The following REEP1 variants were observed in gnomAD, a reference collection of about 807,000 sequenced individuals.
The protein encoded by REEP1 is receptor accessory protein 1.
REEP1 carries 22 observed loss-of-function variants against 40.3 expected under a neutral mutation model. The observed-to-expected ratio is 0.55, with a 90% CI of 0.39 to 0.78. REEP1 has a LOEUF of 0.78. Ranked by LOEUF, REEP1 falls within the 30% of genes least tolerant of loss-of-function variation. The probability of loss-of-function intolerance (pLI) is 0.00; values close to 1 mark genes in which losing one functional copy is unlikely to be tolerated. For synonymous variants in REEP1, 116 were observed against 139.2 expected (o/e 0.83, Z 1.17); for missense variants, 280 against 361.1 (o/e 0.78, Z 1.82).
upstream of REEP1, among the ~76,000 whole-genome samples, chr2:86,337,861 C>T (rs964165580): frequency 6.6e-6 from 1 of 152,100 alleles, no homozygotes; most frequent in African/African-American, 2.4e-5. The surrounding 1 kb of genome is among the most constrained non-coding windows in gnomAD (Gnocchi z 5.8). Flanking sequence ...AACCCTGCAG[C>T]GGCCCCGTTT....
chr2:86,299,484 T>C (rs1679162069), intron 1 of REEP1, among the ~76,000 whole-genome samples: 1 of 152,218 alleles, frequency 6.6e-6, no homozygotes, highest in Non-Finnish European at 1.5e-5. Context: ...GCTATTCTTT[T>C]TATAAAACCT....
chr2:86,323,220 T>G (rs1360903879), intron 1 of REEP1, among the ~76,000 whole-genome samples: 1 of 152,164 alleles, frequency 6.6e-6, no homozygotes. Flanking sequence ...TAAAAATAAA[T>G]AAAGAACATC....
chr2:86,231,362 A>G (rs967937072), intron 6 of REEP1, among the ~76,000 whole-genome samples: 3 of 152,214 alleles, frequency 2.0e-5, no homozygotes, highest in African/African-American at 7.2e-5. Context: ...CAGAAAAGCC[A>G]CAGTCTTAAG....
rs17438687 is a variant in REEP1 at position 86,252,164 on chromosome 2, G to T, written c.304-94C>A. On this transcript the variant is annotated intron_variant, in intron 4 of 8. Transcript: ENST00000538924. ...CTCTGAGCATTGGGCTTGGCAGCTT[G>T]CCCAATCCTTGTTCTTGCTGGGCCT... 439,864 of 916,882 alleles carry T rather than the reference G, an allele frequency of 0.48. 110,848 individuals are homozygous for T. The highest frequency in any genetic ancestry group is 0.69 in the East Asian group (28,178 of 40,886). The allele number at this position is 916,882 out of a possible 1,614,324, so 56.8% of individuals were successfully genotyped here. A position where few individuals can be genotyped will look rare whatever the true frequency, so the allele number is the denominator to read the frequency against.
intron 1 of REEP1, among the ~76,000 whole-genome samples, chr2:86,311,197 T>C (rs566901250): frequency 2.1e-5 from 3 of 140,710 alleles, no homozygotes; most frequent in East Asian, 3.9e-4. Flanking sequence ...ATTAAAATAA[T>C]TGTGAGCACT....
At chr2:86,312,311 G>A (rs1679800172) in intron 1 of REEP1, among the ~76,000 whole-genome samples, 2 of 152,186 alleles carry the variant, frequency 1.3e-5, no homozygotes, top group Admixed American at 6.5e-5. Context: ...GTGTTTGGAA[G>A]ACCATTTACT....
At chr2:86,258,434 T>C (rs144240470) in intron 3 of REEP1, among the ~76,000 whole-genome samples, 2 of 152,352 alleles carry the variant, frequency 1.3e-5, no homozygotes, top group Non-Finnish European at 2.9e-5. Flanking sequence ...ATTTACTATC[T>C]GGCCCTTTAC....
At chr2:86,228,224 G>A (rs1674819978) in intron 6 of REEP1, among the ~76,000 whole-genome samples, 1 of 152,162 alleles carries the variant, frequency 6.6e-6, no homozygotes, top group Non-Finnish European at 1.5e-5. Context: ...CTGTGTGCCA[G>A]GCATGTGGTG....
At chr2:86,308,646 G>A (rs543297015) in intron 1 of REEP1, among the ~76,000 whole-genome samples, 2 of 152,360 alleles carry the variant, frequency 1.3e-5, no homozygotes, top group East Asian at 3.9e-4. Context: ...GGCATGTACA[G>A]CAGGGAACTG....
At chr2:86,256,074 C>T (rs947597292) in intron 3 of REEP1, among the ~76,000 whole-genome samples, 5 of 152,208 alleles carry the variant, frequency 3.3e-5, no homozygotes, top group African/African-American at 1.2e-4. Flanking sequence ...ACTGGCCGGG[C>T]GCGGTGGCTC....
intron 1 of REEP1, among the ~76,000 whole-genome samples, chr2:86,287,618 C>T (rs1026540395): frequency 2.0e-5 from 3 of 152,170 alleles, no homozygotes; most frequent in Non-Finnish European, 2.9e-5. Flanking sequence ...GCATTAATCT[C>T]CAAGACTGTT....
rs60838463 is a variant in REEP1, at chr2:86,216,409, C to T, written c.*630G>A. 4,786 of 152,410 alleles carry T rather than the reference C, an allele frequency of 0.031. 195 individuals carry two copies. Among genetic ancestry groups the T allele is most frequent in the East Asian group, 0.22 (1,142 of 5,176 alleles). The allele number at this position is 152,410 out of a possible 1,614,324, so 9.4% of individuals were successfully genotyped here. On this transcript the variant is annotated 3_prime_UTR_variant, in exon 9 of 9. Transcript: ENST00000538924. The stretch of plus-strand genomic sequence containing the variant: ...TAAACAACTATCTAAAGAATATAGA[C>T]CACACTCCTGCAGGGAAAGGGATGT...
Position 86,233,329 on chromosome 2 carries a change from T to C in REEP1, c.418-527A>G, listed in dbSNP as rs528922862. On this transcript the variant is annotated intron_variant, in intron 5 of 8. Transcript: ENST00000538924. ...AAATGTTTGACAACAGAAATTTCTT[T>C]TATTTGTATAGCATATTACTGTCTA... 3.9e-5 allele frequency among the ~76,000 whole-genome samples: 6 copies of C among 152,354 alleles called. No individual in the cohort carries two copies. The East Asian group carries it at 9.6e-4, about 24-fold the overall frequency.
chr2:86,325,539 TTGTGATTAAA>T (rs1266812719), intron 1 of REEP1, among the ~76,000 whole-genome samples: 9 of 152,202 alleles, frequency 5.9e-5, no homozygotes, highest in African/African-American at 9.6e-5. Flanking sequence ...CCTATTTGAT[TTGTGATTAAA>T]TGTGATTAAA....
intron 2 of REEP1, among the ~76,000 whole-genome samples, chr2:86,279,234 G>A (rs1460329297): frequency 6.6e-6 from 1 of 152,206 alleles, no homozygotes; most frequent in East Asian, 1.9e-4. Flanking sequence ...CCACACCTTG[G>A]GTGTTGAGAT....
chr2:86,257,831 G>T (rs1459058735), intron 3 of REEP1, among the ~76,000 whole-genome samples: 1 of 152,130 alleles, frequency 6.6e-6, no homozygotes, highest in South Asian at 2.1e-4. Context: ...AGAGACGGGG[G>T]TTTCACCATG....
chr2:86,257,310 A>G (rs1025989883), intron 3 of REEP1, among the ~76,000 whole-genome samples: 5 of 149,518 alleles, frequency 3.3e-5, no homozygotes, highest in Non-Finnish European at 4.4e-5. Context: ...GATGTCTTTT[A>G]AAAAAAATAG....
At chr2:86,305,233 C>T (rs1679428510) in intron 1 of REEP1, among the ~76,000 whole-genome samples, 1 of 152,188 alleles carries the variant, frequency 6.6e-6, no homozygotes. Context: ...CAGTATCCTT[C>T]CCATAAATGT....
rs1233492471 is a variant in REEP1 at position 86,337,578 on chromosome 2, T to C, written c.-68A>G. Reference sequence around the variant, plus strand: ...CTAGGCTGCGGGCGGCGCGGGCTGCTGCGGCGTTCCCGGAACGTCAGTCAG... The same window carrying C: ...CTAGGCTGCGGGCGGCGCGGGCTGCCGCGGCGTTCCCGGAACGTCAGTCAG... On this transcript the variant is annotated 5_prime_UTR_variant, in exon 1 of 9. Transcript: ENST00000538924. The surrounding 1 kb of genome is among the most constrained non-coding windows in gnomAD (Gnocchi z 5.8). 1.6e-5 allele frequency: 19 copies of C among 1,185,176 alleles called. No individual in the cohort carries two copies. Among genetic ancestry groups the C allele is most frequent in the Admixed American group, 4.6e-5 (1 of 21,578 alleles). The allele number at this position is 1,185,176 out of a possible 1,614,324, so 73.4% of individuals were successfully genotyped here. A position where few individuals can be genotyped will look rare whatever the true frequency, so the allele number is the denominator to read the frequency against.
Sources: gnomAD v4.1 joint callset for allele counts (sites outside exome capture counted in the v4.1 genomes callset) on GRCh38, gnomAD v4.1.1 for gene constraint, Gnocchi (gnomAD v3.1) non-coding constraint, MANE v1.5 for transcripts, NCBI Gene and HGNC (gene_info 2026-07-23, HGNC 2026-07-21) for gene names.